The following CNTNAP2 variants were observed in gnomAD, a reference collection of about 807,000 sequenced individuals.
CNTNAP2 encodes contactin-associated protein-like 2.
CNTNAP2 carries 98 observed loss-of-function variants against 155.2 expected under a neutral mutation model. The observed-to-expected ratio is 0.63, with a 90% CI of 0.54 to 0.75. CNTNAP2 has a LOEUF of 0.75. CNTNAP2 is among the 30% of genes least tolerant of loss of function. The probability of loss-of-function intolerance (pLI) is 0.00; values close to 1 mark genes in which losing one functional copy is unlikely to be tolerated. For synonymous variants in CNTNAP2, 651 were observed against 631.2 expected, an observed-to-expected ratio of 1.03 and a Z score of -0.47; for missense variants, 1,727 against 1,688.1, an observed-to-expected ratio of 1.02 and a Z score of -0.40.
intron 1 of CNTNAP2, among the ~76,000 whole-genome samples, chr7:146,128,977 T>C (rs938449103): frequency 6.6e-6 from 1 of 152,274 alleles, no homozygotes; most frequent in East Asian, 1.9e-4. Context: ...ATAGGACAAC[T>C]ACAGTTATTT....
rs553154011 is a variant in CNTNAP2, at chr7:146,138,115, T to C, written c.97+21142T>C. Among the ~76,000 whole-genome samples the C allele has an allele frequency of 2.6e-5, 4 of 152,240 alleles. No individual in the cohort carries two copies. The South Asian group carries it at 8.3e-4, about 32-fold the overall frequency. ...AAAAGCATCCTAAGAGAGAAAACATTCTCAAGCTCTAAAACTATAAAACTT... is the reference window on the plus strand; with the variant it reads ...AAAAGCATCCTAAGAGAGAAAACATCCTCAAGCTCTAAAACTATAAAACTT... On this transcript the variant is annotated intron_variant, in intron 1 of 23. Transcript: ENST00000361727.
chr7:147,742,203 A>T (rs1009051565), intron 13 of CNTNAP2, among the ~76,000 whole-genome samples: 1 of 152,242 alleles, frequency 6.6e-6, no homozygotes, highest in African/African-American at 2.4e-5. Context: ...GGTTAGGGAC[A>T]CAGCCAAACC....
chr7:147,642,717 T>A (rs114693787), intron 13 of CNTNAP2, among the ~76,000 whole-genome samples: 3,085 of 152,216 alleles, frequency 0.02, 110 homozygotes, highest in African/African-American at 0.07. Flanking sequence ...GAACAGTAAA[T>A]ATATCACTTT....
chr7:146,614,039 C>A (rs1799184031), intron 1 of CNTNAP2, among the ~76,000 whole-genome samples: 3 of 152,184 alleles, frequency 2.0e-5, no homozygotes, highest in Middle Eastern at 3.4e-3. Context: ...CTACTTATTT[C>A]TTGGTTACTA....
At chr7:147,464,425 C>T (rs1359346666) in intron 10 of CNTNAP2, among the ~76,000 whole-genome samples, 1 of 148,982 alleles carries the variant, frequency 6.7e-6, no homozygotes, top group African/African-American at 2.5e-5. Flanking sequence ...CAAGATCGCG[C>T]CACTGCACTC....
chr7:147,083,537 CATATATATATATGTATAT>C (rs1315097390), intron 4 of CNTNAP2, among the ~76,000 whole-genome samples: 1 of 128,432 alleles, frequency 7.8e-6, no homozygotes, highest in Non-Finnish European at 1.5e-5. Flanking sequence ...TATATATATA[CATATATATATATGTATAT>C]ATATATATAC....
At chr7:146,956,501 G>C (rs1797440520) in intron 3 of CNTNAP2, among the ~76,000 whole-genome samples, 2 of 152,144 alleles carry the variant, frequency 1.3e-5, no homozygotes, top group Non-Finnish European at 2.9e-5. Flanking sequence ...TTACAGCCAA[G>C]TGTACATTGC....
intron 8 of CNTNAP2, among the ~76,000 whole-genome samples, chr7:147,148,171 A>G (rs1801747369): frequency 1.3e-5 from 2 of 151,950 alleles, no homozygotes; most frequent in Non-Finnish European, 2.9e-5. Flanking sequence ...CGGGCGGATC[A>G]TGAGGTCAGG....
intron 13 of CNTNAP2, among the ~76,000 whole-genome samples, chr7:147,667,905 G>A (rs541971457): frequency 6.6e-6 from 1 of 152,258 alleles, no homozygotes; most frequent in African/African-American, 2.4e-5. Flanking sequence ...TTGGGCTTGG[G>A]GTGGTGTCAC....
intron 1 of CNTNAP2, among the ~76,000 whole-genome samples, chr7:146,563,788 C>T (rs544367652): frequency 6.6e-6 from 1 of 152,252 alleles, no homozygotes; most frequent in African/African-American, 2.4e-5. Flanking sequence ...TTCATTTCAG[C>T]CACAAACCCA....
In CNTNAP2 at chr7:147,086,344, T is replaced by C. The variant is rs1243497290; in HGVS notation, c.551-21803T>C. Among the ~76,000 whole-genome samples, 7 of 152,216 alleles carry C rather than the reference T, an allele frequency of 4.6e-5. No homozygotes were observed. The East Asian group carries it at 1.2e-3, about 25-fold the overall frequency. ...AAGCAAAAGTATAAAAATAGCAACA[T>C]TTAAAATTTTTATCTATGCTCTTTT... On this transcript the variant is annotated intron_variant, in intron 4 of 23. Transcript: ENST00000361727.
At chr7:147,521,904 C>T (rs17170575) in intron 11 of CNTNAP2, among the ~76,000 whole-genome samples, 12,145 of 152,192 alleles carry the variant, frequency 0.08, 619 homozygotes, top group East Asian at 0.24. Context: ...GTTCAGCTAC[C>T]AAATACCATC....
intron 1 of CNTNAP2, among the ~76,000 whole-genome samples, chr7:146,258,971 G>A (rs991728555): frequency 3.3e-5 from 5 of 152,138 alleles, no homozygotes; most frequent in African/African-American, 1.2e-4. Context: ...AAGTGTTGAG[G>A]GAGAGACCTG....
chr7:146,829,967 A>G (rs1009308635), intron 2 of CNTNAP2, among the ~76,000 whole-genome samples: 4 of 151,908 alleles, frequency 2.6e-5, no homozygotes, highest in Non-Finnish European at 5.9e-5. Flanking sequence ...ATTTTTTATT[A>G]GGTTTACTGA....
chr7:147,709,318 C>T (rs577466390), intron 13 of CNTNAP2, among the ~76,000 whole-genome samples: 2 of 152,266 alleles, frequency 1.3e-5, no homozygotes, highest in South Asian at 2.1e-4. Flanking sequence ...TGCCCAATCC[C>T]GCATCTTACT....
chr7:147,461,945 G>T (rs1056973498), intron 10 of CNTNAP2, among the ~76,000 whole-genome samples: 1 of 152,150 alleles, frequency 6.6e-6, no homozygotes, highest in Non-Finnish European at 1.5e-5. Context: ...GTTATCATTT[G>T]TCATATATAA....
chr7:146,835,111 C>T lies in CNTNAP2; in HGVS notation c.209-4600C>T, dbSNP rs968297289. Among the ~76,000 whole-genome samples, 3 of 152,112 alleles carry T rather than the reference C, an allele frequency of 2.0e-5. No individual in the cohort carries two copies. The East Asian group carries it at 5.8e-4, about 29-fold the overall frequency. On this transcript the variant is annotated intron_variant, in intron 2 of 23. Coordinates refer to ENST00000361727, the MANE Select transcript of CNTNAP2 (RefSeq NM_014141.6). ...TCTTCTGATTTTAGATTTTTGCTTTCCTTAAAGTTAACAATAAATTCTATT... is the reference window on the plus strand; with the variant it reads ...TCTTCTGATTTTAGATTTTTGCTTTTCTTAAAGTTAACAATAAATTCTATT...
rs546813424 is a variant in CNTNAP2, at chr7:146,610,052, G to A, written c.98-164219G>A. On this transcript the variant is annotated intron_variant, in intron 1 of 23. Coordinates refer to ENST00000361727, the MANE Select transcript of CNTNAP2 (RefSeq NM_014141.6). ...TGAACACTAAAGGCTGAAACTCGGC[G>A]AGAACCATTGTTTTTAACCAATTAA... Among the ~76,000 whole-genome samples the A allele has an allele frequency of 6.6e-5, 10 of 152,268 alleles. No individual in the cohort carries two copies. The East Asian group carries it at 1.9e-3, about 29-fold the overall frequency.
At chr7:147,504,134 C>T in intron 11 of CNTNAP2, among the ~76,000 whole-genome samples, 1 of 152,124 alleles carries the variant, frequency 6.6e-6, no homozygotes, top group East Asian at 1.9e-4. Flanking sequence ...TTCCAAACAG[C>T]CTGGAGACTG....
Sources: gnomAD v4.1 joint callset for allele counts (sites outside exome capture counted in the v4.1 genomes callset) on GRCh38, gnomAD v4.1.1 for gene constraint, MANE v1.5 for transcripts, NCBI Gene and HGNC (gene_info 2026-07-23, HGNC 2026-07-21) for gene names.